Variants in RBFOX1 observed in about 807,000 individuals in gnomAD.
RBFOX1 encodes the protein RNA binding fox-1 homolog 1, also known as RNA binding protein fox-1 homolog 1.
In RBFOX1, 8 loss-of-function variants were observed where a neutral mutation model predicts 57.7. That is an observed-to-expected ratio of 0.14 (90% CI 0.08 to 0.25). The LOEUF (loss-of-function observed/expected upper bound fraction) is 0.25, where lower values mean the gene tolerates loss of function less well. Among genes scored for constraint, RBFOX1 ranks in the 10% least tolerant of loss-of-function variants. RBFOX1 has a pLI of 1.00. For missense variants in RBFOX1, 611 were observed against 548.5 expected (o/e 1.11, Z -1.14); for synonymous variants, 326 against 222.4 (o/e 1.47, Z -4.15).
chr16:6,959,683 T>C (rs1392335583), intron 3 of RBFOX1, among the ~76,000 whole-genome samples: 2 of 152,050 alleles, frequency 1.3e-5, no homozygotes, highest in Non-Finnish European at 2.9e-5. Context: ...ACATCTGTAA[T>C]CTCTAAACTT....
At chr16:5,335,363 T>C (rs1205375231) in intron 1 of RBFOX1, among the ~76,000 whole-genome samples, 2 of 152,086 alleles carry the variant, frequency 1.3e-5, no homozygotes, top group Non-Finnish European at 2.9e-5. Flanking sequence ...TGCCTGAAGC[T>C]TTTAGGAGTT....
chr16:5,633,455 C>A (rs1490277868), intron 3 of RBFOX1, among the ~76,000 whole-genome samples: 4 of 152,134 alleles, frequency 2.6e-5, no homozygotes, highest in Non-Finnish European at 4.4e-5. Context: ...ACTGGAGCAA[C>A]GACTCTCTAC....
chr16:6,303,280 G>C (rs983507772), intron 1 of RBFOX1, among the ~76,000 whole-genome samples: 1 of 151,972 alleles, frequency 6.6e-6, no homozygotes, highest in Non-Finnish European at 1.5e-5. Flanking sequence ...ATCTTCCCGG[G>C]TCTGAATTAA....
chr16:6,714,773 C>T (rs915020826), intron 3 of RBFOX1, among the ~76,000 whole-genome samples: 1 of 152,070 alleles, frequency 6.6e-6, no homozygotes, highest in Non-Finnish European at 1.5e-5. Flanking sequence ...GTTTTCTAAA[C>T]AGTGCAATTT....
intron 2 of RBFOX1, among the ~76,000 whole-genome samples, chr16:6,558,662 A>G (rs1354609156): frequency 6.6e-6 from 1 of 152,092 alleles, no homozygotes; most frequent in East Asian, 1.9e-4. Context: ...AAAGATGGCT[A>G]ATTAAACAAA....
intron 4 of RBFOX1, among the ~76,000 whole-genome samples, chr16:7,273,224 T>TCCTTCCTTCCTC (rs2095370359): frequency 8.1e-6 from 1 of 123,184 alleles, no homozygotes. Flanking sequence ...CTTCCTTCCT[T>TCCTTCCTTCCTC]CCTTCCTTCC....
At chr16:5,793,520 T>C (rs1039003487) in intron 3 of RBFOX1, among the ~76,000 whole-genome samples, 3 of 152,236 alleles carry the variant, frequency 2.0e-5, no homozygotes, top group Non-Finnish European at 2.9e-5. Context: ...TCAGAGGTGT[T>C]GGCACAAGCC....
At chr16:7,172,321 T>G (rs535274856) in intron 4 of RBFOX1, among the ~76,000 whole-genome samples, 1 of 152,330 alleles carries the variant, frequency 6.6e-6, no homozygotes, top group African/African-American at 2.4e-5. Context: ...TATCTCTTTT[T>G]ACTCCTCAGT....
chr16:6,093,895 C>T (rs532325994), intron 1 of RBFOX1, among the ~76,000 whole-genome samples: 91 of 152,162 alleles, frequency 6.0e-4, no homozygotes, highest in South Asian at 1.2e-3. Context: ...TCTGAGATTA[C>T]AGACTGGAGC....
intron 3 of RBFOX1, among the ~76,000 whole-genome samples, chr16:6,977,707 A>G (rs1368177010): frequency 2.0e-5 from 3 of 152,150 alleles, no homozygotes; most frequent in Non-Finnish European, 2.9e-5. Context: ...ATTGATTGAA[A>G]TGAATTGAAA....
chr16:7,084,578 A>C (rs561487244), intron 4 of RBFOX1, among the ~76,000 whole-genome samples: 118 of 152,252 alleles, frequency 7.8e-4, no homozygotes, highest in Non-Finnish European at 1.4e-3. Flanking sequence ...CTCATAACTG[A>C]CTTCAGTGAC....
intron 3 of RBFOX1, among the ~76,000 whole-genome samples, chr16:6,795,439 T>A (rs915256622): frequency 3.3e-5 from 5 of 152,154 alleles, no homozygotes; most frequent in Admixed American, 3.3e-4. Context: ...CCATTTTTTT[T>A]AAGTTACGTC....
intron 5 of RBFOX1, among the ~76,000 whole-genome samples, chr16:7,525,235 C>T (rs1202602481): frequency 1.3e-5 from 2 of 152,076 alleles, no homozygotes; most frequent in African/African-American, 4.8e-5. Context: ...TACTTTGGCA[C>T]CTGCTTTATA....
chr16:5,427,994 A>G (rs918155756), intron 1 of RBFOX1, among the ~76,000 whole-genome samples: 1 of 152,140 alleles, frequency 6.6e-6, no homozygotes, highest in African/African-American at 2.4e-5. Flanking sequence ...CCACACTGAC[A>G]TTGTGGGTCT....
intron 3 of RBFOX1, among the ~76,000 whole-genome samples, chr16:5,822,948 A>G (rs1465154416): frequency 6.6e-6 from 1 of 152,196 alleles, no homozygotes; most frequent in South Asian, 2.1e-4. Context: ...TGATAACTGC[A>G]TAATTTGAGG....
At position 7,712,938 on chromosome 16, in the gene RBFOX1, C is replaced by G. The variant is rs1568644115; in HGVS notation, c.*2193C>G. On this transcript the variant is annotated 3_prime_UTR_variant, in exon 16 of 16. Coordinates refer to ENST00000550418, the MANE Select transcript of RBFOX1 (RefSeq NM_018723.4). ...TGCAGTTTTGATTTTCATCAATGAG[C>G]TGTACTTTCCCCCATGACTGTATGT... 1 of 152,204 alleles carries G rather than the reference C, an allele frequency of 6.6e-6. No individual in the cohort carries two copies. Among genetic ancestry groups the G allele is most frequent in the Non-Finnish European group, 1.5e-5 (1 of 68,040 alleles). 9.4% of individuals were successfully genotyped at this position (152,204 alleles called of 1,614,324 possible).
chr16:7,602,789 A>G (rs2095104375), intron 9 of RBFOX1, among the ~76,000 whole-genome samples: 2 of 152,298 alleles, frequency 1.3e-5, no homozygotes, highest in Non-Finnish European at 2.9e-5. Context: ...TACATCATCT[A>G]CTCATCAACA....
intron 1 of RBFOX1, among the ~76,000 whole-genome samples, chr16:5,411,240 T>G (rs1406612364): frequency 1.3e-5 from 2 of 152,192 alleles, no homozygotes; most frequent in East Asian, 3.9e-4. Flanking sequence ...GGACTTTGCA[T>G]GTATGATTAA....
In RBFOX1 at chr16:5,972,023, C is replaced by T. The variant is rs575178452; in HGVS notation, c.351+104688C>T. Among the ~76,000 whole-genome samples, 52 of 152,322 alleles carry T rather than the reference C, an allele frequency of 3.4e-4. 1 individual carries two copies. The highest frequency in any genetic ancestry group is 1.0e-3 in the South Asian group (5 of 4,828). On this transcript the variant is annotated intron_variant, in intron 4 of 19. Coordinates refer to the RBFOX1 transcript ENST00000641259. ...TGGGACGTGTGCTTCTTCCTGCCTT[C>T]GGACTCAAACTGAAGCATGGGCTCT...
Sources: gnomAD v4.1 joint callset for allele counts (sites outside exome capture counted in the v4.1 genomes callset) on GRCh38, gnomAD v4.1.1 for gene constraint, MANE v1.5 for transcripts, NCBI Gene and HGNC (gene_info 2026-07-23, HGNC 2026-07-21) for gene names.